Variants in XYLB observed in about 807,000 individuals in gnomAD.
The protein encoded by XYLB is xylulokinase, also known as xylulose kinase.
In XYLB, 62 loss-of-function variants were observed where a neutral mutation model predicts 78.7. The observed-to-expected ratio is 0.79, with a 90% CI of 0.64 to 0.97. XYLB has a LOEUF of 0.97. Ranked by LOEUF, XYLB falls within the 50% of genes least tolerant of loss-of-function variation. The pLI, the probability that XYLB is intolerant of heterozygous loss-of-function variation, is 0.00. For missense variants in XYLB, 687 were observed against 676.8 expected (o/e 1.02, Z -0.17); for synonymous variants, 245 against 247.4 (o/e 0.99, Z 0.09).
At chr3:38,430,850 AG>A in the XYLB span, among the ~76,000 whole-genome samples, 1 of 152,158 alleles carries the variant, frequency 6.6e-6, no homozygotes, top group Non-Finnish European at 1.5e-5. Context: ...GGTTTGTCAA[AG>A]ATCAGATAGT....
rs1471768063 is a variant in XYLB at position 38,408,097 on chromosome 3, C to T, written c.1534-4839C>T. ...AGAATATACATTTTTTTCAGCACCA[C>T]ACCACACCTATTCCAAAATTGACCA... is the stretch of plus-strand genomic sequence containing the variant. On this transcript the variant is annotated intron_variant, in intron 18 of 18. Transcript: ENST00000207870. Among the ~76,000 whole-genome samples the T allele has an allele frequency of 1.1e-4, 16 of 151,400 alleles. No individual in the cohort carries two copies. The East Asian group carries it at 3.1e-3, about 29-fold the overall frequency.
intron 18 of XYLB, among the ~76,000 whole-genome samples, chr3:38,403,316 A>G (rs1178850042): frequency 6.6e-6 from 1 of 151,760 alleles, no homozygotes; most frequent in African/African-American, 2.4e-5. Flanking sequence ...AGTTACTAAT[A>G]TGATATTTTA....
intron 15 of XYLB, among the ~76,000 whole-genome samples, chr3:38,394,887 C>T (rs994531354): frequency 1.3e-5 from 2 of 152,164 alleles, no homozygotes; most frequent in African/African-American, 4.8e-5. Flanking sequence ...AGACCTCTCC[C>T]TAGGGCTGCT....
rs1475516297 is a variant in XYLB, at chr3:38,348,534, T to C, written c.58-16T>C. 1.1e-5 allele frequency: 17 copies of C among 1,613,910 alleles called. No individual in the cohort carries two copies. In the Admixed American group the frequency reaches 2.8e-4, roughly 27 times the overall value. On this transcript the variant is annotated splice_polypyrimidine_tract_variant and intron_variant, in intron 1 of 18. Coordinates refer to ENST00000207870, the MANE Select transcript of XYLB (RefSeq NM_005108.4). The stretch of plus-strand genomic sequence containing the variant: ...TGAGGAAAATTCTACACTTCCTTTT[T>C]TAAAATGCCTTTCAGGTAAAGGTTG...
chr3:38,450,939 G>C, the XYLB span: 1 of 152,160 alleles, frequency 6.6e-6, no homozygotes, highest in Non-Finnish European at 1.5e-5. Flanking sequence ...TATATGGGAG[G>C]AATCAAGTAT....
downstream of XYLB, among the ~76,000 whole-genome samples, chr3:38,426,034 C>G (rs747560544): frequency 6.6e-5 from 10 of 152,208 alleles, no homozygotes; most frequent in Non-Finnish European, 1.2e-4. Context: ...TACTGAAATT[C>G]TTCAAAAGAT....
At chr3:38,373,984 C>T (rs950819496) in intron 10 of XYLB, among the ~76,000 whole-genome samples, 3 of 151,768 alleles carry the variant, frequency 2.0e-5, no homozygotes, top group African/African-American at 7.3e-5. Flanking sequence ...TGCCACTGCA[C>T]TCCAGCCTGG....
At chr3:38,433,026 A>C in the XYLB span, among the ~76,000 whole-genome samples, 1 of 152,228 alleles carries the variant, frequency 6.6e-6, no homozygotes, top group Non-Finnish European at 1.5e-5. Flanking sequence ...GCAGAGTTTC[A>C]TCCATGAGGG....
Position 38,374,511 on chromosome 3 carries a change from A to G in XYLB, c.888+9A>G, listed in dbSNP as rs1163290419. 2 of 1,613,242 alleles carry G rather than the reference A, an allele frequency of 1.2e-6. No individual in the cohort carries two copies. Among genetic ancestry groups the G allele is most frequent in the African/African-American group, 2.7e-5 (2 of 74,798 alleles). On this transcript the variant is annotated intron_variant, in intron 11 of 18. Coordinates refer to ENST00000207870, the MANE Select transcript of XYLB (RefSeq NM_005108.4). ...AGGAAGGTGACATTGCGGTAAGGCG[A>G]CTTCCCACACCCATAGGCTCTTTCT...
At chr3:38,387,590 T>G (rs1293875368) in intron 15 of XYLB, among the ~76,000 whole-genome samples, 2 of 152,186 alleles carry the variant, frequency 1.3e-5, no homozygotes, top group Non-Finnish European at 2.9e-5. Flanking sequence ...CAGGCTGGTC[T>G]TGAACTCCTG....
intron 8 of XYLB, 115 bp downstream of exon 8, chr3:38,368,372 C>A (rs905339234): frequency 3.3e-6 from 3 of 901,426 alleles, no homozygotes; most frequent in African/African-American, 1.6e-5. Flanking sequence ...GCCCTGTCAT[C>A]TGTTGCCAGG....
At chr3:38,358,520 T>C (rs188215222) in intron 2 of XYLB, among the ~76,000 whole-genome samples, 2 of 152,018 alleles carry the variant, frequency 1.3e-5, no homozygotes, top group Non-Finnish European at 1.5e-5. Flanking sequence ...AATTTTTGTA[T>C]TTTTGTAGAG....
chr3:38,408,562 CA>C (rs1708431798), intron 18 of XYLB, among the ~76,000 whole-genome samples: 1 of 151,468 alleles, frequency 6.6e-6, no homozygotes, highest in African/African-American at 2.4e-5. Context: ...AATACAGACA[CA>C]AAAAAACCCT....
chr3:38,380,490 T>C lies in XYLB; in HGVS notation c.1291+1148T>C, dbSNP rs80102679. 8.6e-3 allele frequency among the ~76,000 whole-genome samples: 1,311 copies of C among 152,318 alleles called. 14 individuals are homozygous for C. Among genetic ancestry groups the C allele is most frequent in the East Asian group, 0.041 (214 of 5,184 alleles). ...TTGTCATTAGAGAAGATAGTGAAGC[T>C]GCTTTGCTTGAGGGCCTTCCTATGA... On this transcript the variant is annotated intron_variant, in intron 15 of 18. Transcript: ENST00000207870.
intron 2 of XYLB, among the ~76,000 whole-genome samples, chr3:38,350,898 T>G (rs185701698): frequency 6.6e-6 from 1 of 152,038 alleles, no homozygotes; most frequent in East Asian, 1.9e-4. Context: ...TCCCAGCACT[T>G]TGGGAGGCTG....
intron 16 of XYLB, among the ~76,000 whole-genome samples, chr3:38,396,587 G>T (rs1707879123): frequency 6.6e-6 from 1 of 152,160 alleles, no homozygotes; most frequent in Non-Finnish European, 1.5e-5. Context: ...GGTCAACTAA[G>T]ACCTCCCCCA....
At position 38,395,521 on chromosome 3, in the gene XYLB, T is replaced by C. The variant is rs372907972; in HGVS notation, c.1308T>C (p.Ile436=). 6 of 1,614,092 alleles carry C rather than the reference T, an allele frequency of 3.7e-6. No individual in the cohort carries two copies. The African/African-American group carries it at 8.0e-5, about 22-fold the overall frequency. The change falls in exon 16 of 19, where the codon ATT becomes ATC. Residue 436 remains isoleucine (I), a synonymous_variant. Coordinates refer to ENST00000207870, the MANE Select transcript of XYLB (RefSeq NM_005108.4). ...LGYRVMSKTK[I]LATGGASHNR... ...CCCTTGCAGTGTCCAAGACAAAGATTTTGGCCACAGGAGGAGCATCTCACA... is the reference window on the plus strand; with the variant it reads ...CCCTTGCAGTGTCCAAGACAAAGATCTTGGCCACAGGAGGAGCATCTCACA...
Position 38,360,406 on chromosome 3 carries a change from C to A in XYLB, c.208C>A (p.Gln70Lys). 6.3e-7 allele frequency: 1 copy of A among 1,592,164 alleles called. No homozygotes were observed. ...CACTTCTCCAGTACTAATGTGGGTCCAGGTAAGCGCAGGGATTCCTATTCT... is the reference window on the plus strand; with the variant it reads ...CACTTCTCCAGTACTAATGTGGGTCAAGGTAAGCGCAGGGATTCCTATTCT... ...TVTSPVLMWV[Q>K]ALDIILEKMK... The change falls in exon 3 of 19, where the codon CAG (glutamine) becomes AAG (lysine). Residue 70 changes from glutamine (Q) to lysine (K), a missense_variant and splice_region_variant. Physicochemically the swap from Gln to Lys is moderately conservative, Grantham distance 53. Transcript: ENST00000207870.
intron 18 of XYLB, among the ~76,000 whole-genome samples, chr3:38,410,551 A>C (rs1016338335): frequency 6.6e-6 from 1 of 152,244 alleles, no homozygotes; most frequent in Non-Finnish European, 1.5e-5. Context: ...AATTAAACTA[A>C]AGAGCTTCTG....
Sources: allele counts gnomAD v4.1 joint callset (sites outside exome capture counted in the v4.1 genomes callset), GRCh38; gene constraint gnomAD v4.1.1; transcripts MANE v1.5; gene names NCBI Gene and HGNC (gene_info 2026-07-23, HGNC 2026-07-21).